AMZ1: variants seen among roughly 807,000 people sequenced by gnomAD.
The protein encoded by AMZ1 is archaelysin family metallopeptidase 1.
AMZ1 carries 39 observed loss-of-function variants against 29.9 expected under a neutral mutation model. The ratio of observed to expected loss-of-function variants is 1.30; its 90% CI spans 1.01 to 1.70. The LOEUF (loss-of-function observed/expected upper bound fraction) is 1.70, where lower values mean the gene tolerates loss of function less well. Ranked by LOEUF, AMZ1 falls within the 40% of genes most tolerant of loss-of-function variation. The probability of loss-of-function intolerance (pLI) is 0.00; values close to 1 mark genes in which losing one functional copy is unlikely to be tolerated. For synonymous variants in AMZ1, 458 were observed against 304.0 expected (o/e 1.51, Z -5.27); for missense variants, 1,041 against 680.6 (o/e 1.53, Z -5.89).
At chr7:2,721,130 C>T (rs577937954), downstream of AMZ1, among the ~76,000 whole-genome samples, 3 of 152,268 alleles carry the variant, frequency 2.0e-5, no homozygotes, top group African/African-American at 7.2e-5. Flanking sequence ...CTGGGTGGCG[C>T]GGGAGGTTCC....
chr7:2,746,741 GA>G (rs1160106823), intron 4 of AMZ1, among the ~76,000 whole-genome samples: 3 of 152,062 alleles, frequency 2.0e-5, no homozygotes, highest in Admixed American at 1.3e-4. Context: ...CTGGTTTTTT[GA>G]AAAGATCAAC....
At chr7:2,747,575 G>A (rs1790827675) in intron 4 of AMZ1, among the ~76,000 whole-genome samples, 1 of 151,956 alleles carries the variant, frequency 6.6e-6, no homozygotes, top group Non-Finnish European at 1.5e-5. Flanking sequence ...TACTGAATGG[G>A]CAAAAACTGG....
At chr7:2,748,342 C>T (rs1270793684) in intron 4 of AMZ1, among the ~76,000 whole-genome samples, 1 of 152,132 alleles carries the variant, frequency 6.6e-6, no homozygotes, top group African/African-American at 2.4e-5. Context: ...ACAGAGCCCT[C>T]AGAAATAATG....
upstream of AMZ1, among the ~76,000 whole-genome samples, chr7:2,764,250 T>C (rs1170256080): frequency 4.6e-4 from 69 of 150,240 alleles, no homozygotes; most frequent in African/African-American, 4.2e-4. Flanking sequence ...ATTTCTTTTT[T>C]TTTTTTTTTT....
rs1787975670 is a variant in AMZ1, at chr7:2,700,375, A to G, written c.-77A>G. On this transcript the variant is annotated 5_prime_UTR_variant, in exon 2 of 7. Coordinates refer to ENST00000683327, the MANE Select transcript of AMZ1 (RefSeq NM_001384743.1). ...TCAGCCCGAGGGAAGATTCTGGACG[A>G]GACCGTGGCCGTCCCCCGGGTGGCC... 5 of 1,506,778 alleles carry G rather than the reference A, an allele frequency of 3.3e-6. No homozygotes were observed. The South Asian group carries it at 6.2e-5, about 19-fold the overall frequency. The allele number at this position is 1,506,778 out of a possible 1,614,324, so 93.3% of individuals were successfully genotyped here.
intron 4 of AMZ1, among the ~76,000 whole-genome samples, chr7:2,738,396 G>A (rs933245101): frequency 9.2e-5 from 14 of 152,190 alleles, no homozygotes; most frequent in African/African-American, 3.4e-4. Flanking sequence ...AGGAAACTGT[G>A]ATCTCCACGC....
chr7:2,712,593 C>G lies in AMZ1; in HGVS notation c.1212C>G (p.Ile404Met). Residue 404 changes from isoleucine to methionine, a missense_variant, in exon 7 of 7, where the codon ATC becomes ATG. By Grantham distance (10) the Ile-to-Met change is conservative. Transcript: ENST00000683327. Reference sequence around the variant, plus strand: ...CACCTGGGGGCCCTGCGGAGGCCATCAAGGAGCATGAACGGTGGCTGGCCA... The same window carrying G: ...CACCTGGGGGCCCTGCGGAGGCCATGAAGGAGCATGAACGGTGGCTGGCCA... ...PLPPGGPAEA[I>M]KEHERWLAMC... The G allele has an allele frequency of 6.2e-7, 1 of 1,612,548 alleles. No individual in the cohort carries two copies. The highest frequency in any genetic ancestry group is 2.2e-5 in the East Asian group (1 of 44,862).
upstream of AMZ1, among the ~76,000 whole-genome samples, chr7:2,685,136 TG>T (rs1179670184): frequency 6.6e-6 from 1 of 151,772 alleles, no homozygotes; most frequent in Non-Finnish European, 1.5e-5. Flanking sequence ...CCCAAAGTGC[TG>T]GGATTACAGG....
chr7:2,753,311 G>A (rs1353610172), intron 4 of AMZ1, among the ~76,000 whole-genome samples: 3 of 152,068 alleles, frequency 2.0e-5, no homozygotes, highest in Admixed American at 6.5e-5. Flanking sequence ...ATGCCACCAC[G>A]ATTGGCTAAT....
rs1214126523 is a variant in AMZ1 at position 2,712,733 on chromosome 7, G to A, written c.1352G>A (p.Arg451Lys). 2.5e-6 allele frequency: 4 copies of A among 1,607,326 alleles called. No homozygotes were observed. The highest frequency in any genetic ancestry group is 1.3e-5 in the African/African-American group (1 of 75,004). ...TTCACGGGCCAGCTCCCGGCCACCA[G>A]GCAGGACCCACCCAGCAGCAGGGAC... ...EMFTGQLPAT[R>K]QDPPSSRDSV... The change falls in exon 7 of 7, where the codon AGG (arginine) becomes AAG (lysine). Residue 451 changes from arginine (R) to lysine (K), a missense_variant. By Grantham distance (26) the Arg-to-Lys change is conservative (BLOSUM62 2). Coordinates refer to ENST00000683327, the MANE Select transcript of AMZ1 (RefSeq NM_001384743.1).
intron 4 of AMZ1, chr7:2,728,791 C>G (rs974124729): frequency 2.0e-5 from 3 of 152,298 alleles, no homozygotes; most frequent in African/African-American, 7.2e-5. Context: ...CAATGTGTTA[C>G]AGAATTTGGA....
At chr7:2,743,220 C>G (rs182623581) in intron 4 of AMZ1, among the ~76,000 whole-genome samples, 26 of 152,314 alleles carry the variant, frequency 1.7e-4, no homozygotes, top group African/African-American at 5.8e-4. Flanking sequence ...CTGCTGTGAT[C>G]TAAGCAACCA....
At chr7:2,683,949 G>A (rs897418697), upstream of AMZ1, among the ~76,000 whole-genome samples, 25 of 151,904 alleles carry the variant, frequency 1.6e-4, no homozygotes, top group African/African-American at 5.6e-4. Context: ...AGGCCGAGGC[G>A]GGTGGATCAC....
upstream of AMZ1, among the ~76,000 whole-genome samples, chr7:2,760,059 A>C (rs1193934179): frequency 6.6e-6 from 1 of 152,262 alleles, no homozygotes; most frequent in Non-Finnish European, 1.5e-5. Flanking sequence ...TAGGATGTCA[A>C]GGTTGAGGAA....
At chr7:2,696,490 C>T (rs1224590222) in intron 1 of AMZ1, among the ~76,000 whole-genome samples, 1 of 151,248 alleles carries the variant, frequency 6.6e-6, no homozygotes, top group East Asian at 2.0e-4. Context: ...ATCTCCTGAC[C>T]TCGTGATCTG....
intron 4 of AMZ1, among the ~76,000 whole-genome samples, chr7:2,752,019 G>A (rs1791065503): frequency 6.6e-6 from 1 of 152,148 alleles, no homozygotes; most frequent in Middle Eastern, 3.4e-3. Flanking sequence ...GCATCATCCT[G>A]GTACCCACAC....
chr7:2,744,563 T>A lies in AMZ1; in HGVS notation n.551-20149T>A, dbSNP rs534816521. Among the ~76,000 whole-genome samples, 28 of 151,856 alleles carry A rather than the reference T, an allele frequency of 1.8e-4. No individual in the cohort carries two copies. In the East Asian group the frequency reaches 2.7e-3, roughly 15 times the overall value. ...CCAAAGGTAGAAAAGACCACAAAGATGGGGAAAAAACAGAGCAGAAAAACT... is the reference window on the plus strand; with the variant it reads ...CCAAAGGTAGAAAAGACCACAAAGAAGGGGAAAAAACAGAGCAGAAAAACT... On this transcript the variant is annotated intron_variant and non_coding_transcript_variant, in intron 4 of 4. Coordinates refer to the AMZ1 transcript ENST00000489665.
At chr7:2,745,931 A>G (rs1790742211) in intron 4 of AMZ1, among the ~76,000 whole-genome samples, 1 of 152,220 alleles carries the variant, frequency 6.6e-6, no homozygotes, top group South Asian at 2.1e-4. Context: ...GAAGGCCATT[A>G]CATAATGGTA....
At chr7:2,691,131 C>CAAAAAAAA in intron 1 of AMZ1, among the ~76,000 whole-genome samples, 1 of 68,740 alleles carries the variant, frequency 1.5e-5, no homozygotes, top group Non-Finnish European at 2.5e-5. Context: ...GTGACAGAGG[C>CAAAAAAAA]AAAAAAAAAA....
Sources: gnomAD v4.1 joint callset for allele counts (sites outside exome capture counted in the v4.1 genomes callset) on GRCh38, gnomAD v4.1.1 for gene constraint, MANE v1.5 for transcripts, NCBI Gene and HGNC (gene_info 2026-07-23, HGNC 2026-07-21) for gene names.